Variants in GPHN observed in about 807,000 individuals in gnomAD.
GPHN encodes gephyrin.
A neutral mutation model predicts 95.5 loss-of-function variants in GPHN; 17 were observed. The ratio of observed to expected loss-of-function variants is 0.18; its 90% CI spans 0.12 to 0.27. The LOEUF is 0.27. Among genes scored for constraint, GPHN ranks in the 10% least tolerant of loss-of-function variants. The pLI, the probability that GPHN is intolerant of heterozygous loss-of-function variation, is 1.00. For synonymous variants in GPHN, 320 were observed against 322.5 expected (o/e 0.99, Z 0.08); for missense variants, 660 against 978.1 (o/e 0.67, Z 4.34).
At chr14:66,904,786 G>A (rs548137554) in intron 5 of GPHN, among the ~76,000 whole-genome samples, 1 of 152,058 alleles carries the variant, frequency 6.6e-6, no homozygotes, top group East Asian at 1.9e-4. Flanking sequence ...AGGGGTCCTC[G>A]GTAGAAGTTG....
the GPHN span, among the ~76,000 whole-genome samples, chr14:67,544,124 TA>T: frequency 1.3e-5 from 2 of 151,952 alleles, no homozygotes; most frequent in Admixed American, 1.3e-4. Context: ...AATTTAAAAA[TA>T]AAAAATGGTC....
At chr14:66,971,226 G>C (rs2069747801) in intron 9 of GPHN, among the ~76,000 whole-genome samples, 2 of 152,176 alleles carry the variant, frequency 1.3e-5, no homozygotes, top group African/African-American at 4.8e-5. Flanking sequence ...TACTCAGGAG[G>C]CTGAGGCAGG....
At chr14:67,439,574 T>TTTCTTTC in the GPHN span, among the ~76,000 whole-genome samples, 1 of 142,404 alleles carries the variant, frequency 7.0e-6, no homozygotes, top group African/African-American at 2.9e-5. Flanking sequence ...TCTTTCTTTC[T>TTTCTTTC]TTCTTTCTTT....
the GPHN span, among the ~76,000 whole-genome samples, chr14:67,325,587 T>C: frequency 1.3e-5 from 2 of 152,132 alleles, no homozygotes; most frequent in African/African-American, 4.8e-5. Flanking sequence ...CTGTGTAAAA[T>C]TTAGTGTCCA....
At chr14:66,728,069 C>G (rs559574098) in intron 2 of GPHN, among the ~76,000 whole-genome samples, 2 of 152,070 alleles carry the variant, frequency 1.3e-5, no homozygotes, top group African/African-American at 2.4e-5. Context: ...TAACAGGGGC[C>G]AAGGTAAAGC....
chr14:67,533,415 C>G, the GPHN span: 2 of 151,892 alleles, frequency 1.3e-5, no homozygotes, highest in South Asian at 2.1e-4. Flanking sequence ...GACCCGCGCT[C>G]CCGCCGCTGT....
At chr14:66,774,368 C>T (rs1464376597) in intron 2 of GPHN, among the ~76,000 whole-genome samples, 1 of 151,980 alleles carries the variant, frequency 6.6e-6, no homozygotes, top group African/African-American at 2.4e-5. Flanking sequence ...TTGTTATTTC[C>T]TCAAAGTGCT....
chr14:67,045,217 G>C (rs2074944797), intron 10 of GPHN, among the ~76,000 whole-genome samples: 1 of 152,178 alleles, frequency 6.6e-6, no homozygotes, highest in Non-Finnish European at 1.5e-5. Context: ...TGTCCGTTCT[G>C]TCTCAAATAT....
chr14:66,705,906 T>C (rs1159464190), intron 2 of GPHN, among the ~76,000 whole-genome samples: 2 of 152,212 alleles, frequency 1.3e-5, no homozygotes. Flanking sequence ...ATTTTGTGTT[T>C]AGAAAATCCC....
chr14:67,080,940 A>C (rs1442458729), intron 11 of GPHN, among the ~76,000 whole-genome samples: 1 of 152,162 alleles, frequency 6.6e-6, no homozygotes, highest in African/African-American at 2.4e-5. Flanking sequence ...CCATTATTTC[A>C]TTCCTTTTTT....
the GPHN span, among the ~76,000 whole-genome samples, chr14:67,190,758 G>C: frequency 3.9e-5 from 6 of 152,336 alleles, no homozygotes; most frequent in Admixed American, 1.3e-4. Flanking sequence ...GGTGCAACCA[G>C]AACTGCAACC....
At chr14:66,908,164 T>C (rs541195602) in intron 5 of GPHN, among the ~76,000 whole-genome samples, 1 of 151,996 alleles carries the variant, frequency 6.6e-6, no homozygotes, top group South Asian at 2.1e-4. Flanking sequence ...CATTTGGCAA[T>C]AAAAGGAGCC....
the GPHN span, among the ~76,000 whole-genome samples, chr14:67,710,370 T>C: frequency 6.6e-6 from 1 of 152,234 alleles, no homozygotes; most frequent in Non-Finnish European, 1.5e-5. Context: ...CAAAACTTAA[T>C]AATAATATGA....
intron 2 of GPHN, among the ~76,000 whole-genome samples, chr14:66,714,220 T>G (rs2069944552): frequency 6.6e-6 from 1 of 152,196 alleles, no homozygotes; most frequent in South Asian, 2.1e-4. Flanking sequence ...CTTGGTTAGG[T>G]GGATTCCTAA....
the GPHN span, among the ~76,000 whole-genome samples, chr14:67,486,583 T>G: frequency 2.6e-5 from 4 of 152,072 alleles, no homozygotes; most frequent in Non-Finnish European, 4.4e-5. Flanking sequence ...GATCTGATGG[T>G]TTTATAAGGG....
the GPHN span, among the ~76,000 whole-genome samples, chr14:67,367,303 T>G: frequency 1.4e-4 from 22 of 152,314 alleles, 1 homozygote; most frequent in East Asian, 4.3e-3. Flanking sequence ...CGATCTTGGC[T>G]CACTGCAACC....
intron 17 of GPHN, among the ~76,000 whole-genome samples, chr14:67,129,745 G>A (rs2079563961): frequency 6.9e-6 from 1 of 145,846 alleles, no homozygotes; most frequent in African/African-American, 2.6e-5. Context: ...TAGGTTGGCA[G>A]CATCATTGAC....
chr14:67,005,763 A>C (rs1257552592), intron 9 of GPHN, among the ~76,000 whole-genome samples: 2 of 151,930 alleles, frequency 1.3e-5, no homozygotes, highest in Non-Finnish European at 2.9e-5. Flanking sequence ...AGTGAATTTG[A>C]CTTAATTTCC....
At chr14:67,100,803 C>T in intron 12 of GPHN, 53 bp from the exon 13 acceptor site, 1 of 1,150,564 alleles carries the variant, frequency 8.7e-7, no homozygotes, top group Non-Finnish European at 1.3e-6. Flanking sequence ...GGTTCTTGTT[C>T]CATGCTGTAG....
Sources: gnomAD v4.1 joint callset for allele counts (sites outside exome capture counted in the v4.1 genomes callset) on GRCh38, gnomAD v4.1.1 for gene constraint, MANE v1.5 for transcripts, NCBI Gene and HGNC (gene_info 2026-07-23, HGNC 2026-07-21) for gene names.